The following ACTN1 variants were observed in gnomAD, a reference collection of about 807,000 sequenced individuals.
The protein encoded by ACTN1 is alpha-actinin-1.
ACTN1 carries 30 observed loss-of-function variants against 119.6 expected under a neutral mutation model. That is an observed-to-expected ratio of 0.25 (90% confidence interval 0.19 to 0.34). ACTN1 has a LOEUF of 0.34. Among genes scored for constraint, ACTN1 ranks in the 10% least tolerant of loss-of-function variants. ACTN1 has a pLI of 1.00. For missense variants in ACTN1, 764 were observed against 1,223.4 expected, an observed-to-expected ratio of 0.62 and a Z score of 5.60; for synonymous variants, 429 against 472.6, an observed-to-expected ratio of 0.91 and a Z score of 1.20.
chr14:68,875,199 C>A, intron 21 of ACTN1, 182 bp from the exon 22 acceptor site: 1 of 1,455,072 alleles, frequency 6.9e-7, no homozygotes. Flanking sequence ...GCATACACAA[C>A]ATGTATTTTT....
At chr14:68,899,890 GCCAA>G (rs1401294221) in intron 8 of ACTN1, among the ~76,000 whole-genome samples, 1 of 152,222 alleles carries the variant, frequency 6.6e-6, no homozygotes, top group East Asian at 1.9e-4. Context: ...GGGCCAGGAG[GCCAA>G]CCAAGGCAAG....
At chr14:68,907,437 G>A (rs556645420) in intron 6 of ACTN1, among the ~76,000 whole-genome samples, 13 of 151,540 alleles carry the variant, frequency 8.6e-5, no homozygotes, top group East Asian at 1.9e-4. Flanking sequence ...GCTGGCGTGC[G>A]CCTGTAATCC....
chr14:68,918,520 A>AG (rs11385388), intron 3 of ACTN1, among the ~76,000 whole-genome samples: 151,484 of 151,520 alleles, frequency 1, 75,724 homozygotes, highest in South Asian at 1. Flanking sequence ...TGGGAGGCGG[A>AG]CTTGCAGCGA....
intron 1 of ACTN1, chr14:68,978,412 G>A (rs2037145521): frequency 1.1e-5 from 4 of 350,758 alleles, no homozygotes; most frequent in South Asian, 2.1e-5. Flanking sequence ...AGGCAGATCC[G>A]GAGGCGGCCG....
At chr14:68,955,170 C>T (rs1281295010) in intron 1 of ACTN1, among the ~76,000 whole-genome samples, 1 of 152,220 alleles carries the variant, frequency 6.6e-6, no homozygotes, top group Non-Finnish European at 1.5e-5. Flanking sequence ...AAGAGGGAAG[C>T]AGCCAGAGGG....
chr14:68,893,941 T>C (rs1326914868), intron 8 of ACTN1, among the ~76,000 whole-genome samples, 194 bp from the exon 9 acceptor site: 1 of 151,942 alleles, frequency 6.6e-6, no homozygotes, highest in Admixed American at 6.6e-5. Flanking sequence ...GTCCCATGGG[T>C]CAAGTGAGCC....
intron 6 of ACTN1, among the ~76,000 whole-genome samples, chr14:68,907,118 C>T (rs1348340915): frequency 1.3e-5 from 2 of 151,260 alleles, no homozygotes; most frequent in Non-Finnish European, 2.9e-5. Flanking sequence ...ACTAAAAATA[C>T]AAAAATTAGC....
At position 68,921,076 on chromosome 14, in the gene ACTN1, G is replaced by A; in HGVS notation, c.270C>T (p.Ile90=). 6.2e-7 allele frequency: 1 copy of A among 1,614,210 alleles called. No homozygotes were observed. Among genetic ancestry groups the A allele is most frequent in the Non-Finnish European group, 8.5e-7 (1 of 1,180,028 alleles). The change falls in exon 3 of 22, where the codon ATC becomes ATT. Residue 90 remains isoleucine, a synonymous_variant. Coordinates refer to ENST00000394419, the MANE Select transcript of ACTN1 (RefSeq NM_001130004.2). ...PERGKMRVHK[I]SNVNKALDFI... ...AATCCAGGGCCTTGTTGACGTTGGA[G>A]ATCTTGTGCACTCTCATCTTGCCTC...
At chr14:68,888,195 C>T (rs2032183379) in intron 11 of ACTN1, 2 of 451,926 alleles carry the variant, frequency 4.4e-6, no homozygotes, top group Non-Finnish European at 8.2e-6. Context: ...AGGATAGATT[C>T]TTTAGACAGT....
At chr14:68,951,089 C>G (rs2036149561) in intron 1 of ACTN1, among the ~76,000 whole-genome samples, 1 of 152,180 alleles carries the variant, frequency 6.6e-6, no homozygotes, top group Non-Finnish European at 1.5e-5. Context: ...CTGGATAGCA[C>G]AGGCCTTCCC....
chr14:68,894,079 G>A (rs1164871177), intron 8 of ACTN1, among the ~76,000 whole-genome samples: 7 of 152,180 alleles, frequency 4.6e-5, no homozygotes, highest in Non-Finnish European at 7.3e-5. Context: ...AGGTGGAGAG[G>A]TGAGAAAATT....
chr14:68,976,968 T>C (rs1221014880), intron 1 of ACTN1, among the ~76,000 whole-genome samples: 1 of 152,164 alleles, frequency 6.6e-6, no homozygotes, highest in Non-Finnish European at 1.5e-5. Flanking sequence ...CCCCACTGCG[T>C]TTAATATATT....
chr14:68,954,537 A>G (rs1369880369), intron 1 of ACTN1, among the ~76,000 whole-genome samples: 3 of 152,082 alleles, frequency 2.0e-5, no homozygotes, highest in Non-Finnish European at 4.4e-5. Flanking sequence ...CATGTTAGCC[A>G]GACTGGTCTC....
At chr14:68,967,034 C>G (rs1263249462) in intron 1 of ACTN1, among the ~76,000 whole-genome samples, 1 of 152,170 alleles carries the variant, frequency 6.6e-6, no homozygotes, top group African/African-American at 2.4e-5. Flanking sequence ...TTCCAACCAG[C>G]CTACCATTGG....
rs569059759 is a variant in ACTN1, at chr14:68,884,331, G to C, written c.1495-23C>G. On this transcript the variant is annotated intron_variant, in intron 13 of 21. Transcript: ENST00000394419. ...CCGCTGGGAGTGCCAAATAGGGTAA[G>C]GGTTAGTACAGTGATGTCCAGAATC... The C allele has an allele frequency of 2.5e-6, 4 of 1,610,304 alleles. No homozygotes were observed. The South Asian group carries it at 3.3e-5, about 13-fold the overall frequency.
chr14:68,894,944 G>T (rs925040473), intron 8 of ACTN1, among the ~76,000 whole-genome samples: 1 of 152,038 alleles, frequency 6.6e-6, no homozygotes, highest in Non-Finnish European at 1.5e-5. Flanking sequence ...GATGGAAGAC[G>T]GAAATGTTTT....
At chr14:68,942,538 G>A (rs1485922384) in intron 1 of ACTN1, among the ~76,000 whole-genome samples, 1 of 152,222 alleles carries the variant, frequency 6.6e-6, no homozygotes, top group African/African-American at 2.4e-5. Flanking sequence ...TGGAGGAGGG[G>A]AGCAGTCTTG....
intron 1 of ACTN1, among the ~76,000 whole-genome samples, chr14:68,941,998 T>C (rs2035775868): frequency 6.6e-6 from 1 of 151,992 alleles, no homozygotes; most frequent in Non-Finnish European, 1.5e-5. Context: ...CCACATGACT[T>C]TGCAAAGGAA....
chr14:68,876,456 C>T (rs1363821969), intron 21 of ACTN1, among the ~76,000 whole-genome samples: 5 of 152,070 alleles, frequency 3.3e-5, no homozygotes, highest in African/African-American at 1.2e-4. Context: ...TACAGATCCC[C>T]TCAGGTCCCT....
Sources: allele counts gnomAD v4.1 joint callset (sites outside exome capture counted in the v4.1 genomes callset), GRCh38; gene constraint gnomAD v4.1.1; transcripts MANE v1.5; gene names NCBI Gene and HGNC (gene_info 2026-07-23, HGNC 2026-07-21).